PLCE1: variants seen among roughly 807,000 people sequenced by gnomAD.
PLCE1 encodes 1-phosphatidylinositol 4,5-bisphosphate phosphodiesterase epsilon-1.
In PLCE1, 119 loss-of-function variants were observed where a neutral mutation model predicts 242.8. The observed-to-expected ratio is 0.49, with a 90% confidence interval of 0.42 to 0.57. The LOEUF (loss-of-function observed/expected upper bound fraction) is 0.57, where lower values mean the gene tolerates loss of function less well. Ranked by LOEUF, PLCE1 falls within the 20% of genes least tolerant of loss-of-function variation. The pLI is 0.00. For synonymous variants in PLCE1, 945 were observed against 1,017.4 expected (o/e 0.93, Z 1.35); for missense variants, 2,441 against 2,788.8 (o/e 0.88, Z 2.81).
At chr10:94,290,017 TTCTTA>T (rs2052591649) in intron 22 of PLCE1, among the ~76,000 whole-genome samples, 1 of 152,072 alleles carries the variant, frequency 6.6e-6, no homozygotes, top group African/African-American at 2.4e-5. Context: ...AATGTTTTCT[TTCTTA>T]TCTTATTTTT....
At chr10:94,228,268 A>G (rs2050017057) in intron 5 of PLCE1, among the ~76,000 whole-genome samples, 1 of 152,206 alleles carries the variant, frequency 6.6e-6, no homozygotes, top group Non-Finnish European at 1.5e-5. Context: ...GCAGCATGGT[A>G]TGTGAGGAAG....
chr10:94,186,397 C>T (rs1299644112), intron 4 of PLCE1, among the ~76,000 whole-genome samples: 4 of 152,206 alleles, frequency 2.6e-5, no homozygotes, highest in Non-Finnish European at 5.9e-5. Flanking sequence ...ATTATTTTCT[C>T]ACATGGGCAT....
At chr10:94,167,719 A>G (rs566678902) in intron 3 of PLCE1, among the ~76,000 whole-genome samples, 1 of 123,584 alleles carries the variant, frequency 8.1e-6, no homozygotes, top group South Asian at 2.6e-4. Context: ...TTCAGTTCCC[A>G]CCTATGAGTG....
At chr10:94,204,494 G>A (rs1007131552) in intron 4 of PLCE1, among the ~76,000 whole-genome samples, 2 of 151,870 alleles carry the variant, frequency 1.3e-5, no homozygotes, top group African/African-American at 4.8e-5. Context: ...TGGTGAAACT[G>A]CGTCTTTACT....
chr10:94,219,365 T>A (rs1055410155), intron 4 of PLCE1, among the ~76,000 whole-genome samples: 1 of 152,230 alleles, frequency 6.6e-6, no homozygotes, highest in Admixed American at 6.5e-5. Context: ...AACCCACCAA[T>A]GTTTTTAAAA....
intron 2 of PLCE1, among the ~76,000 whole-genome samples, chr10:94,115,333 G>A (rs1254808428): frequency 3.3e-5 from 5 of 152,174 alleles, no homozygotes; most frequent in Non-Finnish European, 7.3e-5. Context: ...GATCCCTGAG[G>A]AATTGCCACA....
At position 94,247,926 on chromosome 10, in the gene PLCE1, T is replaced by C. The variant is rs556024333; in HGVS notation, c.3096+1305T>C. 2.0e-5 allele frequency among the ~76,000 whole-genome samples: 3 copies of C among 152,352 alleles called. 1 individual carries two copies. In the South Asian group the frequency reaches 6.2e-4, roughly 32 times the overall value. On this transcript the variant is annotated intron_variant, in intron 8 of 32. Coordinates refer to ENST00000371380, the MANE Select transcript of PLCE1 (RefSeq NM_016341.4). The stretch of plus-strand genomic sequence containing the variant: ...CAAGCAGGTGACACTTGAAGTGTCA[T>C]TCTCAAATGAGTTGTGTCAAAGTAT...
rs60764243 is a variant in PLCE1, at chr10:94,223,233, C to CAAAAAAAAA, written c.1810-4062_1810-4054dup. Among the ~76,000 whole-genome samples the CAAAAAAAAA allele has an allele frequency of 1.1e-3, 97 of 90,822 alleles. 6 individuals carry two copies. The highest frequency in any genetic ancestry group is 1.1e-3 in the Non-Finnish European group (57 of 49,692). 59.6% of individuals were successfully genotyped at this position (90,822 alleles called of 152,430 possible). Reference sequence around the variant, plus strand: ...GCAACATAGTGATACTCCATCTCTACAAAAAAAAAAAAAAAAAAATTGAAT... The same window carrying CAAAAAAAAA: ...GCAACATAGTGATACTCCATCTCTACAAAAAAAAAAAAAAAAAAAAAAAAAAAATTGAAT... On this transcript the variant is annotated intron_variant, in intron 4 of 32. Coordinates refer to ENST00000371380, the MANE Select transcript of PLCE1 (RefSeq NM_016341.4).
At chr10:94,285,674 G>T (rs1157943810) in intron 22 of PLCE1, among the ~76,000 whole-genome samples, 1 of 152,144 alleles carries the variant, frequency 6.6e-6, no homozygotes, top group Non-Finnish European at 1.5e-5. Flanking sequence ...AAGTGTCATT[G>T]TTTCTCATTG....
At chr10:94,033,992 AAG>A (rs1422751566) in intron 2 of PLCE1, among the ~76,000 whole-genome samples, 2 of 152,126 alleles carry the variant, frequency 1.3e-5, no homozygotes, top group Non-Finnish European at 2.9e-5. Context: ...TACAGAGAAA[AAG>A]AGGTTCAGTG....
chr10:94,187,448 G>A (rs1474009800), intron 4 of PLCE1, among the ~76,000 whole-genome samples: 1 of 152,078 alleles, frequency 6.6e-6, no homozygotes, highest in Non-Finnish European at 1.5e-5. Flanking sequence ...GACTTCTCAT[G>A]GACTTATGCT....
At chr10:94,106,431 T>G (rs1201732372) in intron 2 of PLCE1, among the ~76,000 whole-genome samples, 3 of 152,226 alleles carry the variant, frequency 2.0e-5, no homozygotes, top group Non-Finnish European at 4.4e-5. Flanking sequence ...ATAATTTATT[T>G]TTTCAGTCCC....
chr10:94,034,822 G>C (rs2061632775), intron 2 of PLCE1, among the ~76,000 whole-genome samples: 1 of 152,136 alleles, frequency 6.6e-6, no homozygotes. Flanking sequence ...CCATTGGCTA[G>C]GAGTTTAAAC....
Position 94,265,644 on chromosome 10 carries a change from C to A in PLCE1, c.4054-3C>A. 6.2e-7 allele frequency: 1 copy of A among 1,612,098 alleles called. No individual in the cohort carries two copies. Among genetic ancestry groups the A allele is most frequent in the Non-Finnish European group, 8.5e-7 (1 of 1,178,482 alleles). ...TAACACTTTTTTTTTTAATCCCTTG[C>A]AGAAGTTCGAGCCTAGCATCAGTAT... On this transcript the variant is annotated splice_region_variant and splice_polypyrimidine_tract_variant and intron_variant, in intron 14 of 32. Coordinates refer to ENST00000371380, the MANE Select transcript of PLCE1 (RefSeq NM_016341.4).
chr10:94,145,519 G>A (rs774947094), intron 3 of PLCE1, among the ~76,000 whole-genome samples: 8 of 152,092 alleles, frequency 5.3e-5, no homozygotes, highest in African/African-American at 1.4e-4. Context: ...TTCTTTGACC[G>A]TTGCAGTACT....
Position 94,319,864 on chromosome 10 carries a change from C to CTTTT in PLCE1, c.6343-2017_6343-2014dup, listed in dbSNP as rs58610099. On this transcript the variant is annotated intron_variant, in intron 29 of 32. Coordinates refer to ENST00000371380, the MANE Select transcript of PLCE1 (RefSeq NM_016341.4). ...GCTCTGAGGGAGGCTCAAAGGTGCT[C>CTTTT]TTTTTTTTTTTTTTTTTTTTTTTGA... 4.6e-3 allele frequency among the ~76,000 whole-genome samples: 426 copies of CTTTT among 92,904 alleles called. 10 individuals are homozygous for CTTTT. Among genetic ancestry groups the CTTTT allele is most frequent in the Non-Finnish European group, 7.0e-3 (324 of 46,352 alleles). 60.9% of individuals were successfully genotyped at this position (92,904 alleles called of 152,430 possible).
intron 5 of PLCE1, among the ~76,000 whole-genome samples, chr10:94,233,434 T>C (rs191077449): frequency 3.0e-4 from 45 of 152,206 alleles, no homozygotes; most frequent in African/African-American, 1.1e-3. Flanking sequence ...CACCAATATC[T>C]GTACAAACCA....
At chr10:94,033,228 G>A (rs779871604) in intron 2 of PLCE1, among the ~76,000 whole-genome samples, 1 of 151,856 alleles carries the variant, frequency 6.6e-6, no homozygotes, top group South Asian at 2.1e-4. Context: ...TTGTAGTGAT[G>A]AATATAAGTC....
chr10:94,160,018 T>C (rs2047558158), intron 3 of PLCE1, among the ~76,000 whole-genome samples: 1 of 152,244 alleles, frequency 6.6e-6, no homozygotes, highest in Admixed American at 6.5e-5. Flanking sequence ...TGGTCTATCA[T>C]TGTTGGACAT....
Sources: gnomAD v4.1 joint callset for allele counts (sites outside exome capture counted in the v4.1 genomes callset) on GRCh38, gnomAD v4.1.1 for gene constraint, MANE v1.5 for transcripts, NCBI Gene and HGNC (gene_info 2026-07-23, HGNC 2026-07-21) for gene names.